Variants in MGAT4C observed in about 807,000 individuals in gnomAD.
The protein encoded by MGAT4C is alpha-1,3-mannosyl-glycoprotein 4-beta-N-acetylglucosaminyltransferase C.
A neutral mutation model predicts 40.1 loss-of-function variants in MGAT4C; 19 were observed. The observed-to-expected ratio is 0.47, with a 90% confidence interval of 0.33 to 0.70. MGAT4C has a LOEUF of 0.70. Ranked by LOEUF, MGAT4C falls within the 30% of genes least tolerant of loss-of-function variation. The probability of loss-of-function intolerance (pLI) is 0.02; values close to 1 mark genes in which losing one functional copy is unlikely to be tolerated. For missense variants in MGAT4C, 491 were observed against 563.2 expected, an observed-to-expected ratio of 0.87 and a Z score of 1.30; for synonymous variants, 181 against 187.1, an observed-to-expected ratio of 0.97 and a Z score of 0.27.
chr12:86,821,977 A>G (rs1399875958), intron 1 of MGAT4C, among the ~76,000 whole-genome samples: 2 of 147,810 alleles, frequency 1.4e-5, no homozygotes, highest in African/African-American at 4.9e-5. Context: ...AGACAAAAGT[A>G]TTAAAAATAA....
intron 3 of MGAT4C, among the ~76,000 whole-genome samples, chr12:86,367,195 G>A (rs1407443254): frequency 6.6e-6 from 1 of 151,818 alleles, no homozygotes; most frequent in East Asian, 2.0e-4. Context: ...CAAGCAGAAA[G>A]GGCAGATAGT....
rs1446142239 is a variant in MGAT4C, at chr12:85,970,271, A to T, written c.*9018T>A. ...TTGTTTATATAAATAATATTGAATT[A>T]TTTATATTCTTATTTAGTCTAGTAG... On this transcript the variant is annotated 3_prime_UTR_variant, in exon 5 of 5. Transcript: ENST00000611864. The T allele has an allele frequency of 6.6e-6, 1 of 151,316 alleles. No individual in the cohort carries two copies. Among genetic ancestry groups the T allele is most frequent in the African/African-American group, 2.4e-5 (1 of 41,364 alleles). The allele number at this position is 151,316 out of a possible 1,614,324, so 9.4% of individuals were successfully genotyped here. A position where few individuals can be genotyped will look rare whatever the true frequency, so the allele number is the denominator to read the frequency against.
At chr12:86,559,353 C>A (rs1014936299) in intron 2 of MGAT4C, among the ~76,000 whole-genome samples, 1 of 151,896 alleles carries the variant, frequency 6.6e-6, no homozygotes, top group Non-Finnish European at 1.5e-5. Flanking sequence ...AATTCAACAG[C>A]CACAGAAGAC....
At chr12:86,721,730 G>C (rs1950740093) in intron 2 of MGAT4C, among the ~76,000 whole-genome samples, 1 of 152,092 alleles carries the variant, frequency 6.6e-6, no homozygotes, top group Non-Finnish European at 1.5e-5. Flanking sequence ...TTGCCTTAAA[G>C]TGACCATAAG....
chr12:86,380,436 A>G lies in MGAT4C; in HGVS notation c.-119-46309T>C, dbSNP rs150611892. On this transcript the variant is annotated intron_variant, in intron 3 of 7. Transcript: ENST00000548651. ...CTGTGACCATGCCATACATTATAAC[A>G]TTGCTTGTATGCCAGAAATAAAAAA... Among the ~76,000 whole-genome samples the G allele has an allele frequency of 2.1e-4, 32 of 152,246 alleles. No individual in the cohort carries two copies. The East Asian group carries it at 6.2e-3, about 29-fold the overall frequency.
intron 1 of MGAT4C, among the ~76,000 whole-genome samples, chr12:86,254,639 C>T (rs887924482): frequency 4.6e-5 from 7 of 151,996 alleles, no homozygotes; most frequent in African/African-American, 1.7e-4. Flanking sequence ...AAAGCAGTGA[C>T]TCATGCTTTC....
At chr12:86,808,869 A>G (rs1197682569) in intron 1 of MGAT4C, among the ~76,000 whole-genome samples, 1 of 152,074 alleles carries the variant, frequency 6.6e-6, no homozygotes, top group Non-Finnish European at 1.5e-5. Context: ...CTGTGATCCT[A>G]TGTCTAGGAA....
At chr12:86,553,937 C>T (rs553269960) in intron 2 of MGAT4C, among the ~76,000 whole-genome samples, 24 of 152,174 alleles carry the variant, frequency 1.6e-4, no homozygotes, top group Non-Finnish European at 2.6e-4. Context: ...TAAATGCTTC[C>T]AATTTATAAC....
intron 1 of MGAT4C, among the ~76,000 whole-genome samples, chr12:86,743,122 G>A (rs1485855419): frequency 1.3e-5 from 2 of 149,306 alleles, no homozygotes; most frequent in African/African-American, 2.5e-5. Flanking sequence ...ATGCATGTGT[G>A]TGTGTGTGTG....
Position 86,680,999 on chromosome 12 carries a change from G to A in MGAT4C, c.-229+46210C>T, listed in dbSNP as rs191666742. Reference sequence around the variant, plus strand: ...GGACTATTGTGCATTCTGTTTCCAAGATGATGGTAATTTATTTCAAAACCT... The same window carrying A: ...GGACTATTGTGCATTCTGTTTCCAAAATGATGGTAATTTATTTCAAAACCT... On this transcript the variant is annotated intron_variant, in intron 2 of 7. Coordinates refer to the MGAT4C transcript ENST00000548651. Among the ~76,000 whole-genome samples the A allele has an allele frequency of 7.2e-5, 11 of 151,926 alleles. No homozygotes were observed. The East Asian group carries it at 2.1e-3, about 29-fold the overall frequency.
chr12:86,500,076 T>C lies in MGAT4C; in HGVS notation c.-228-64811A>G, dbSNP rs112149277. On this transcript the variant is annotated intron_variant, in intron 2 of 7. Transcript: ENST00000548651. ...TTAGAGGCAATGTTACAGCCTTCAATGCATCGGAAATGAAAAAAAAATTGC... is the reference window on the plus strand; with the variant it reads ...TTAGAGGCAATGTTACAGCCTTCAACGCATCGGAAATGAAAAAAAAATTGC... Among the ~76,000 whole-genome samples, 495 of 151,868 alleles carry C rather than the reference T, an allele frequency of 3.3e-3. 2 individuals carry two copies. The highest frequency in any genetic ancestry group is 0.012 in the African/African-American group (478 of 41,460).
intron 2 of MGAT4C, among the ~76,000 whole-genome samples, chr12:86,668,152 G>A (rs1371396914): frequency 6.6e-6 from 1 of 152,160 alleles, no homozygotes; most frequent in Non-Finnish European, 1.5e-5. Flanking sequence ...TTGTTCCCAA[G>A]ATGGCATATT....
At chr12:86,247,874 A>G (rs1454892598) in intron 1 of MGAT4C, among the ~76,000 whole-genome samples, 3 of 152,172 alleles carry the variant, frequency 2.0e-5, no homozygotes, top group African/African-American at 7.2e-5. Context: ...GAATGGAAGG[A>G]AGATTATGGG....
At chr12:86,701,086 ATGTC>A (rs761323028) in intron 2 of MGAT4C, among the ~76,000 whole-genome samples, 4 of 152,180 alleles carry the variant, frequency 2.6e-5, no homozygotes, top group Non-Finnish European at 4.4e-5. Context: ...GTATTCTTTC[ATGTC>A]TGCTATCCAT....
chr12:86,026,448 A>AT (rs1890253808), intron 2 of MGAT4C, among the ~76,000 whole-genome samples: 1 of 151,936 alleles, frequency 6.6e-6, no homozygotes, highest in Non-Finnish European at 1.5e-5. Flanking sequence ...AAATCTTTCC[A>AT]TATCAGCACA....
At chr12:86,772,010 C>T (rs929448254) in intron 1 of MGAT4C, among the ~76,000 whole-genome samples, 1 of 152,016 alleles carries the variant, frequency 6.6e-6, no homozygotes, top group Non-Finnish European at 1.5e-5. Context: ...GAAAGAATTG[C>T]TAAACAAAAA....
intron 3 of MGAT4C, among the ~76,000 whole-genome samples, chr12:86,339,366 C>T (rs1285072957): frequency 4.6e-5 from 7 of 152,078 alleles, no homozygotes; most frequent in African/African-American, 1.4e-4. Flanking sequence ...TAAACTATGT[C>T]GGCAAGGTAG....
At chr12:86,561,956 G>T (rs4322459) in intron 2 of MGAT4C, among the ~76,000 whole-genome samples, 111,602 of 152,008 alleles carry the variant, frequency 0.73, 42,405 homozygotes, top group Middle Eastern at 0.84. Context: ...TCCTGGGCAT[G>T]AACTGTTTAG....
In MGAT4C at chr12:86,390,983, T is replaced by G. The variant is rs553429374; in HGVS notation, c.-120+44174A>C. Among the ~76,000 whole-genome samples the G allele has an allele frequency of 2.2e-4, 34 of 152,322 alleles. No individual in the cohort carries two copies. The Middle Eastern group carries it at 0.01, about 46-fold the overall frequency. ...AATATTTCCTATGAATAAACATATC[T>G]GATTTCCAGAAAGGACTTAAAGGGT... On this transcript the variant is annotated intron_variant, in intron 3 of 7. Transcript: ENST00000548651.
Sources: gnomAD v4.1 joint callset for allele counts (sites outside exome capture counted in the v4.1 genomes callset) on GRCh38, gnomAD v4.1.1 for gene constraint, MANE v1.5 for transcripts, NCBI Gene and HGNC (gene_info 2026-07-23, HGNC 2026-07-21) for gene names.